PDSS1: variants seen among roughly 807,000 people sequenced by gnomAD.
PDSS1 encodes the protein decaprenyl diphosphate synthase subunit 1, also known as all trans-polyprenyl-diphosphate synthase PDSS1.
PDSS1 carries 43 observed loss-of-function variants against 57.5 expected under a neutral mutation model. That is an observed-to-expected ratio of 0.75 (90% confidence interval 0.59 to 0.96). The LOEUF is 0.96. PDSS1 is among the 50% of genes least tolerant of loss of function. PDSS1 has a pLI of 0.00. For synonymous variants in PDSS1, 175 were observed against 191.3 expected (o/e 0.91, Z 0.70); for missense variants, 438 against 527.8 (o/e 0.83, Z 1.67).
At chr10:26,701,078 A>T (rs1261314319) in intron 1 of PDSS1, among the ~76,000 whole-genome samples, 1 of 152,202 alleles carries the variant, frequency 6.6e-6, no homozygotes, top group Admixed American at 6.5e-5. Flanking sequence ...GAACTGGGCA[A>T]AGGTCACTCT....
intron 5 of PDSS1, chr10:26,714,589 G>C (rs1835503923): frequency 6.6e-6 from 1 of 152,142 alleles, no homozygotes. Flanking sequence ...AACCTACCTA[G>C]CCTGCTCAGC....
intron 2 of PDSS1, among the ~76,000 whole-genome samples, chr10:26,702,686 C>G (rs886538519): frequency 6.6e-6 from 1 of 152,132 alleles, no homozygotes; most frequent in Non-Finnish European, 1.5e-5. Context: ...TACTAATACA[C>G]CTCGTTTCTA....
chr10:26,746,606 A>AT lies in PDSS1; in HGVS notation c.*136dup. 1 of 982,594 alleles carries AT rather than the reference A, an allele frequency of 1.0e-6. No homozygotes were observed. The highest frequency in any genetic ancestry group is 1.5e-6 in the Non-Finnish European group (1 of 656,192). 60.9% of individuals were successfully genotyped at this position (982,594 alleles called of 1,614,324 possible). A position where few individuals can be genotyped will look rare whatever the true frequency, so the allele number is the denominator to read the frequency against. The stretch of plus-strand genomic sequence containing the variant: ...AAGATATCAAACTTATTGATGGGCA[A>AT]TTTATTTTTTTTTATTGCAAAAGTT... On this transcript the variant is annotated 3_prime_UTR_variant, in exon 12 of 12. Coordinates refer to ENST00000376215, the MANE Select transcript of PDSS1 (RefSeq NM_014317.5).
chr10:26,741,023 A>T (rs1564437341), intron 10 of PDSS1, among the ~76,000 whole-genome samples: 1 of 149,444 alleles, frequency 6.7e-6, no homozygotes, highest in Non-Finnish European at 1.5e-5. Context: ...TACTCTAGTA[A>T]CCTGTTTGTT....
chr10:26,724,439 A>G (rs570947185), intron 8 of PDSS1, among the ~76,000 whole-genome samples: 1 of 152,302 alleles, frequency 6.6e-6, no homozygotes, highest in South Asian at 2.1e-4. Flanking sequence ...AATTTCTCTA[A>G]TGATTGATAT....
At chr10:26,706,140 G>A (rs1472198998) in intron 4 of PDSS1, among the ~76,000 whole-genome samples, 2 of 152,122 alleles carry the variant, frequency 1.3e-5, no homozygotes, top group South Asian at 2.1e-4. Context: ...ACCGTGGCTC[G>A]TGCCTGTAAT....
At chr10:26,704,281 TTAAAA>T (rs1426891987) in intron 2 of PDSS1, among the ~76,000 whole-genome samples, 3 of 152,052 alleles carry the variant, frequency 2.0e-5, no homozygotes, top group Non-Finnish European at 4.4e-5. Flanking sequence ...GAACACGAAC[TTAAAA>T]TAGACAGTGT....
chr10:26,709,947 TTGA>T (rs1835370091), intron 5 of PDSS1, among the ~76,000 whole-genome samples, 179 bp downstream of exon 5: 1 of 151,976 alleles, frequency 6.6e-6, no homozygotes, highest in Non-Finnish European at 1.5e-5. Context: ...GATCAGGAGT[TTGA>T]GACCAGCCTG....
chr10:26,742,589 T>C lies in PDSS1; in HGVS notation c.1107+12T>C. ...AGTATGTACTACAGGTAAGACTGTT[T>C]TTTTAAAAAAAAGGCAGCAGCAGGA... On this transcript the variant is annotated intron_variant, in intron 11 of 11. Coordinates refer to ENST00000376215, the MANE Select transcript of PDSS1 (RefSeq NM_014317.5). 1.3e-6 allele frequency: 2 copies of C among 1,570,102 alleles called. No homozygotes were observed. The highest frequency in any genetic ancestry group is 1.8e-6 in the Non-Finnish European group (2 of 1,140,948).
chr10:26,707,273 T>G (rs574502363), intron 4 of PDSS1, among the ~76,000 whole-genome samples: 28 of 152,328 alleles, frequency 1.8e-4, no homozygotes, highest in African/African-American at 6.7e-4. Context: ...TGTGCATGGT[T>G]GAGCCGACTC....
intron 3 of PDSS1, among the ~76,000 whole-genome samples, chr10:26,704,983 C>T (rs1469692929): frequency 6.6e-6 from 1 of 151,944 alleles, no homozygotes; most frequent in Non-Finnish European, 1.5e-5. Context: ...TTGTAGATCT[C>T]TGCCTATTCA....
intron 11 of PDSS1, among the ~76,000 whole-genome samples, chr10:26,743,719 A>G (rs1476814035): frequency 2.0e-5 from 3 of 152,198 alleles, no homozygotes; most frequent in Non-Finnish European, 2.9e-5. Flanking sequence ...CCAGAAACAC[A>G]TTTAGAGGAA....
At chr10:26,723,061 C>T (rs1179938594) in intron 6 of PDSS1, among the ~76,000 whole-genome samples, 2 of 152,098 alleles carry the variant, frequency 1.3e-5, no homozygotes, top group Non-Finnish European at 2.9e-5. Flanking sequence ...CTAGTCTGAG[C>T]TCCCACTCCA....
intron 11 of PDSS1, 148 bp from the exon 12 acceptor site, chr10:26,746,185 A>G (rs1217539606): frequency 1.1e-6 from 1 of 879,140 alleles, no homozygotes; most frequent in Non-Finnish European, 1.8e-6. Flanking sequence ...GAGTCGGGAA[A>G]AGAACATTAG....
At position 26,738,513 on chromosome 10, in the gene PDSS1, G is replaced by A. The variant is rs953143190; in HGVS notation, c.1026+2934G>A. On this transcript the variant is annotated intron_variant, in intron 10 of 11. Coordinates refer to ENST00000376215, the MANE Select transcript of PDSS1 (RefSeq NM_014317.5). ...GTAACTAACCCACCTGGGCACTGAC[G>A]ATACTCAAAGAATCATCTCTGTGTC... is the stretch of plus-strand genomic sequence containing the variant. Among the ~76,000 whole-genome samples, 4 of 152,196 alleles carry A rather than the reference G, an allele frequency of 2.6e-5. No individual in the cohort carries two copies. In the South Asian group the frequency reaches 8.3e-4, roughly 31 times the overall value.
At chr10:26,723,397 C>G (rs1470101064) in intron 6 of PDSS1, among the ~76,000 whole-genome samples, 1 of 152,146 alleles carries the variant, frequency 6.6e-6, no homozygotes, top group Non-Finnish European at 1.5e-5. Flanking sequence ...TCTCCCTCTC[C>G]AGGCATTGAT....
intron 1 of PDSS1, chr10:26,701,949 C>T (rs1200207026): frequency 2.4e-6 from 1 of 421,502 alleles, no homozygotes; most frequent in African/African-American, 2.0e-5. Context: ...TGGGAGCCCA[C>T]CCTTTGCATC....
At chr10:26,717,826 C>G (rs1415508790) in intron 5 of PDSS1, 1 of 151,708 alleles carries the variant, frequency 6.6e-6, no homozygotes, top group Admixed American at 6.6e-5. Flanking sequence ...AATTCACTTG[C>G]AAAAATATTC....
chr10:26,697,992 C>A, intron 1 of PDSS1, 152 bp downstream of exon 1: 1 of 644,664 alleles, frequency 1.6e-6, no homozygotes, highest in Non-Finnish European at 2.1e-6. Context: ...GACTCCGGAG[C>A]TGAGGGGTGC....
Sources: allele counts gnomAD v4.1 joint callset (sites outside exome capture counted in the v4.1 genomes callset), GRCh38; gene constraint gnomAD v4.1.1; transcripts MANE v1.5; gene names NCBI Gene and HGNC (gene_info 2026-07-23, HGNC 2026-07-21).